MCHR2: variants seen among roughly 807,000 people sequenced by gnomAD.
The protein encoded by MCHR2 is melanin-concentrating hormone receptor 2.
Under a neutral mutation model 24.8 loss-of-function variants are expected in MCHR2, and 15 were observed. That is an observed-to-expected ratio of 0.60 (90% CI 0.40 to 0.93). MCHR2 has a LOEUF of 0.93. MCHR2 is among the 40% of genes least tolerant of loss of function. The pLI is 0.00. For synonymous variants in MCHR2, 151 were observed against 147.6 expected, an observed-to-expected ratio of 1.02 and a Z score of -0.17; for missense variants, 386 against 408.7, an observed-to-expected ratio of 0.94 and a Z score of 0.48.
intron 1 of MCHR2, among the ~76,000 whole-genome samples, chr6:99,961,085 C>T (rs930677234): frequency 3.3e-5 from 5 of 151,856 alleles, no homozygotes; most frequent in Non-Finnish European, 7.4e-5. Context: ...TACCCATCTG[C>T]CAAAAGGCTA....
chr6:99,972,431 G>C (rs562838938), intron 1 of MCHR2, among the ~76,000 whole-genome samples: 1 of 151,932 alleles, frequency 6.6e-6, no homozygotes, highest in East Asian at 1.9e-4. Flanking sequence ...TTTTTATTGC[G>C]TCTATTTGAT....
rs570407391 is a variant in MCHR2 at position 99,983,974 on chromosome 6, G to A, written c.-28+9962C>T. Among the ~76,000 whole-genome samples the A allele has an allele frequency of 3.6e-4, 55 of 152,182 alleles. 1 individual carries two copies. In the South Asian group the frequency reaches 0.011, roughly 30 times the overall value. On this transcript the variant is annotated intron_variant, in intron 1 of 5. Transcript: ENST00000281806. ...AAGGAAGGATTGGACTCTTTACAAG[G>A]GGCTTCTGATTAGGTATTCTTTAGC...
chr6:99,976,662 A>G (rs75468363), intron 1 of MCHR2, among the ~76,000 whole-genome samples: 1 of 9,142 alleles, frequency 1.1e-4, no homozygotes, highest in African/African-American at 2.0e-4. Flanking sequence ...CAGCTACCTC[A>G]TGTTTGCCAA....
chr6:99,921,278 G>A (rs771540238), intron 5 of MCHR2, 23 bp from the exon 6 acceptor site: 1 of 1,602,668 alleles, frequency 6.2e-7, no homozygotes, highest in Non-Finnish European at 8.5e-7. Flanking sequence ...CATTCAGATA[G>A]ACAGGGTATA....
chr6:99,925,805 T>G (rs1026972906), intron 5 of MCHR2, among the ~76,000 whole-genome samples: 1 of 151,428 alleles, frequency 6.6e-6, no homozygotes, highest in Admixed American at 6.6e-5. Context: ...TTTTTTTTGT[T>G]ATTTTATTTT....
At chr6:99,925,278 A>C (rs1009752516) in intron 5 of MCHR2, among the ~76,000 whole-genome samples, 1 of 150,224 alleles carries the variant, frequency 6.7e-6, no homozygotes, top group African/African-American at 2.5e-5. Flanking sequence ...TTTTCAGTCT[A>C]TGTGTGTCTT....
At chr6:99,983,030 G>A (rs188308845) in intron 1 of MCHR2, among the ~76,000 whole-genome samples, 297 of 152,150 alleles carry the variant, frequency 2.0e-3, no homozygotes, top group Non-Finnish European at 3.5e-3. Flanking sequence ...GTGCAATCAC[G>A]GCTCACTGCA....
At chr6:99,950,856 G>A (rs940780689) in intron 2 of MCHR2, among the ~76,000 whole-genome samples, 25 of 152,116 alleles carry the variant, frequency 1.6e-4, no homozygotes, top group African/African-American at 6.0e-4. Context: ...ATATGAATTA[G>A]TAAAACTAAC....
chr6:99,928,703 T>G (rs1444949654), intron 5 of MCHR2, among the ~76,000 whole-genome samples: 1 of 152,222 alleles, frequency 6.6e-6, no homozygotes, highest in Non-Finnish European at 1.5e-5. Context: ...TCACTTTTTA[T>G]TGCCTCTATT....
intron 1 of MCHR2, among the ~76,000 whole-genome samples, chr6:99,979,186 T>C (rs1431189494): frequency 6.6e-6 from 1 of 152,172 alleles, no homozygotes; most frequent in African/African-American, 2.4e-5. Flanking sequence ...TTCTGACATA[T>C]GGAAGTCCAG....
At chr6:99,981,906 C>T (rs1323467855) in intron 1 of MCHR2, among the ~76,000 whole-genome samples, 1 of 152,118 alleles carries the variant, frequency 6.6e-6, no homozygotes, top group African/African-American at 2.4e-5. Flanking sequence ...TGTTTACATG[C>T]ACTTCCCCAA....
Position 99,921,210 on chromosome 6 carries a change from C to T in MCHR2, c.753G>A (p.Lys251=). The change falls in exon 6 of 6, where the codon AAG becomes AAA. Residue 251 remains lysine, a synonymous_variant. Coordinates refer to ENST00000281806, the MANE Select transcript of MCHR2 (RefSeq NM_001040179.2). ...AGACTACCACCAGCACCAGCACCATCTTTGTCAACTTCATCACTCTCTGTT... is the reference window on the plus strand; with the variant it reads ...AGACTACCACCAGCACCAGCACCATTTTTGTCAACTTCATCACTCTCTGTT... ...VPKQRVMKLT[K]MVLVLVVVFI... 1 of 1,614,094 alleles carries T rather than the reference C, an allele frequency of 6.2e-7. No homozygotes were observed. The highest frequency in any genetic ancestry group is 8.5e-7 in the Non-Finnish European group (1 of 1,180,004).
intron 1 of MCHR2, among the ~76,000 whole-genome samples, chr6:99,986,248 C>T (rs1427172676): frequency 6.6e-6 from 1 of 152,024 alleles, no homozygotes; most frequent in African/African-American, 2.4e-5. Flanking sequence ...TACAACTTTA[C>T]AGAAAACAGT....
chr6:99,977,248 A>T (rs951756695), intron 1 of MCHR2, among the ~76,000 whole-genome samples: 2 of 152,218 alleles, frequency 1.3e-5, no homozygotes, highest in Non-Finnish European at 2.9e-5. Flanking sequence ...ATTAGCTGGA[A>T]GCGAATGTTC....
chr6:99,938,690 A>G (rs1774714184), intron 4 of MCHR2, among the ~76,000 whole-genome samples: 2 of 152,032 alleles, frequency 1.3e-5, no homozygotes, highest in Admixed American at 1.3e-4. Flanking sequence ...ATGTTCTGTA[A>G]ATGTCAGGCC....
At chr6:99,985,356 G>A (rs929539225) in intron 1 of MCHR2, among the ~76,000 whole-genome samples, 2 of 152,060 alleles carry the variant, frequency 1.3e-5, no homozygotes, top group African/African-American at 2.4e-5. Context: ...CCAAAAAAGA[G>A]TCTGAATAGC....
intron 1 of MCHR2, among the ~76,000 whole-genome samples, chr6:99,972,705 A>G (rs1047356273): frequency 1.3e-5 from 2 of 152,100 alleles, no homozygotes; most frequent in Non-Finnish European, 2.9e-5. Flanking sequence ...ATTTAGTGCT[A>G]TAAATTTCCC....
At chr6:99,974,632 C>T (rs187965513) in intron 1 of MCHR2, among the ~76,000 whole-genome samples, 6 of 152,278 alleles carry the variant, frequency 3.9e-5, no homozygotes, top group Admixed American at 1.3e-4. Context: ...GGAGGAGAGG[C>T]GCTCTGCTTT....
rs377112932 is a variant in MCHR2 at position 99,981,677 on chromosome 6, G to C, written c.-28+12259C>G. Among the ~76,000 whole-genome samples, 6 of 152,202 alleles carry C rather than the reference G, an allele frequency of 3.9e-5. No individual in the cohort carries two copies. The South Asian group carries it at 1.0e-3, about 26-fold the overall frequency. ...CTGGCACACGGCAACTAGGAAATGA[G>C]TGTTGGTTACCATTGCTGTTACTAT... is the stretch of plus-strand genomic sequence containing the variant. On this transcript the variant is annotated intron_variant, in intron 1 of 5. Transcript: ENST00000281806.
Sources: allele counts gnomAD v4.1 joint callset (sites outside exome capture counted in the v4.1 genomes callset), GRCh38; gene constraint gnomAD v4.1.1; transcripts MANE v1.5; gene names NCBI Gene and HGNC (gene_info 2026-07-23, HGNC 2026-07-21).